RASAL2: variants seen among roughly 807,000 people sequenced by gnomAD.
RASAL2 encodes the protein RAS protein activator like 2.
Under a neutral mutation model 128.9 loss-of-function variants are expected in RASAL2, and 58 were observed. That is an observed-to-expected ratio of 0.45 (90% CI 0.36 to 0.56). The LOEUF is 0.56. RASAL2 is among the 20% of genes least tolerant of loss of function. RASAL2 has a pLI of 0.00. For missense variants in RASAL2, 1,360 were observed against 1,601.6 expected (o/e 0.85, Z 2.57); for synonymous variants, 561 against 580.8 (o/e 0.97, Z 0.49).
At chr1:178,211,166 A>G (rs1254141682) in intron 1 of RASAL2, among the ~76,000 whole-genome samples, 3 of 152,150 alleles carry the variant, frequency 2.0e-5, no homozygotes, top group Non-Finnish European at 4.4e-5. Context: ...TCCTGATACC[A>G]TGCTCACTTC....
At chr1:178,124,699 T>A (rs1459633633) in intron 1 of RASAL2, among the ~76,000 whole-genome samples, 1 of 152,198 alleles carries the variant, frequency 6.6e-6, no homozygotes, top group East Asian at 1.9e-4. Context: ...GAAAATGTTA[T>A]TTGTATTTTA....
chr1:178,180,107 A>G (rs1246490392), intron 1 of RASAL2, among the ~76,000 whole-genome samples: 1 of 152,114 alleles, frequency 6.6e-6, no homozygotes, highest in Non-Finnish European at 1.5e-5. Flanking sequence ...CTGTCGTTGT[A>G]TGTAGCTTTG....
intron 2 of RASAL2, among the ~76,000 whole-genome samples, chr1:178,284,938 C>T (rs1464967040): frequency 1.3e-5 from 2 of 151,952 alleles, no homozygotes; most frequent in African/African-American, 4.8e-5. Flanking sequence ...CTTAATTCTC[C>T]TCTGTGGATC....
At chr1:178,285,100 T>TTCC (rs1666956762) in intron 2 of RASAL2, among the ~76,000 whole-genome samples, 1 of 143,130 alleles carries the variant, frequency 7.0e-6, no homozygotes, top group Admixed American at 7.1e-5. Flanking sequence ...GCATTGCTAC[T>TTCC]TTCTTTTTTT....
chr1:178,103,459 C>A (rs1265563375), intron 1 of RASAL2, among the ~76,000 whole-genome samples: 2 of 152,042 alleles, frequency 1.3e-5, no homozygotes, highest in Non-Finnish European at 2.9e-5. Flanking sequence ...CCAAATTGCC[C>A]TACCTGTCTG....
In RASAL2 at chr1:178,451,596, G is replaced by C; in HGVS notation, c.1653G>C (p.Glu551Asp). Residue 551 changes from glutamate (E) to aspartate (D), a missense_variant, in exon 10 of 18, where the codon GAG (glutamate) becomes GAC (aspartate). Around this residue, in one of 3 missense-constraint regions of RASAL2, gnomAD observed 617 missense variants for 714.2 expected, o/e 0.86. Transcript: ENST00000367649. ...GGGAGTTTATCAAAGCTTTGTATGA[G>C]TCCGATGAGAACTGTGAAGTGGATC... Reference protein sequence around the residue: ...ALGEFIKALYESDENCEVDPS... With the variant: ...ALGEFIKALYDSDENCEVDPS... 1.2e-6 allele frequency: 2 copies of C among 1,613,686 alleles called. No homozygotes were observed. Among genetic ancestry groups the C allele is most frequent in the Non-Finnish European group, 1.7e-6 (2 of 1,179,744 alleles).
chr1:178,400,703 AT>A (rs1209647656), intron 4 of RASAL2, among the ~76,000 whole-genome samples: 1 of 152,188 alleles, frequency 6.6e-6, no homozygotes, highest in South Asian at 2.1e-4. Context: ...AGTATATTTT[AT>A]TAGGAAGGCA....
intron 5 of RASAL2, among the ~76,000 whole-genome samples, chr1:178,422,063 T>G (rs547164457): frequency 6.6e-6 from 1 of 152,040 alleles, no homozygotes; most frequent in Non-Finnish European, 1.5e-5. Flanking sequence ...AATAAAACAC[T>G]CCCAATTCAA....
chr1:178,138,285 T>C (rs1026818248), intron 1 of RASAL2, among the ~76,000 whole-genome samples: 1 of 152,230 alleles, frequency 6.6e-6, no homozygotes, highest in Non-Finnish European at 1.5e-5. Flanking sequence ...AGTCATGAGC[T>C]GATTCTCCTG....
At chr1:178,451,476 C>T (rs1459657911) in intron 9 of RASAL2, 95 bp from the exon 10 acceptor site, 1 of 1,307,890 alleles carries the variant, frequency 7.6e-7, no homozygotes, top group Non-Finnish European at 1.0e-6. Flanking sequence ...AAAGAATTCC[C>T]CATTATACGT....
intron 3 of RASAL2, among the ~76,000 whole-genome samples, chr1:178,363,125 CCAACA>C (rs1671214596): frequency 6.6e-6 from 1 of 152,162 alleles, no homozygotes; most frequent in South Asian, 2.1e-4. Context: ...TGCATTTCCA[CCAACA>C]GTGTACAAGG....
At chr1:178,356,946 T>C (rs1330656157) in intron 3 of RASAL2, among the ~76,000 whole-genome samples, 4 of 152,202 alleles carry the variant, frequency 2.6e-5, no homozygotes, top group Admixed American at 2.6e-4. Flanking sequence ...TCTTATTCCA[T>C]TGTAGATTTA....
intron 3 of RASAL2, among the ~76,000 whole-genome samples, chr1:178,363,695 T>A (rs1671243776): frequency 6.6e-6 from 1 of 152,230 alleles, no homozygotes; most frequent in African/African-American, 2.4e-5. Context: ...ACTTACTATG[T>A]GCCCAGCATT....
At chr1:178,173,607 C>T (rs942207750) in intron 1 of RASAL2, among the ~76,000 whole-genome samples, 5 of 152,034 alleles carry the variant, frequency 3.3e-5, no homozygotes, top group African/African-American at 1.2e-4. Flanking sequence ...ATGATGGAGT[C>T]TAACAGGTAT....
intron 1 of RASAL2, among the ~76,000 whole-genome samples, chr1:178,153,649 C>G (rs10913509): frequency 0.24 from 36,724 of 151,996 alleles, 5,317 homozygotes; most frequent in African/African-American, 0.41. Context: ...GTTTCTTAAT[C>G]CTGAATAGTA....
intron 4 of RASAL2, among the ~76,000 whole-genome samples, chr1:178,405,623 AAGAC>A (rs1218587714): frequency 6.6e-6 from 1 of 152,218 alleles, no homozygotes; most frequent in African/African-American, 2.4e-5. Context: ...GAAAAGGCAT[AAGAC>A]AGATTCTCCC....
intron 1 of RASAL2, among the ~76,000 whole-genome samples, chr1:178,156,070 C>T (rs1428879094): frequency 6.6e-6 from 1 of 152,154 alleles, no homozygotes; most frequent in Non-Finnish European, 1.5e-5. Context: ...ATTTACTGCA[C>T]AGCTGGGAGC....
At chr1:178,421,323 A>G (rs952087309) in intron 5 of RASAL2, among the ~76,000 whole-genome samples, 1 of 152,184 alleles carries the variant, frequency 6.6e-6, no homozygotes, top group African/African-American at 2.4e-5. Context: ...TATGCTTCAA[A>G]AATCATTGAA....
At chr1:178,470,931 A>G (rs930084833) in intron 17 of RASAL2, among the ~76,000 whole-genome samples, 11 of 152,118 alleles carry the variant, frequency 7.2e-5, no homozygotes, top group African/African-American at 2.2e-4. Flanking sequence ...ATAAGTCTCT[A>G]TTTGATTTTT....
Sources: gnomAD v4.1 joint callset for allele counts (sites outside exome capture counted in the v4.1 genomes callset) on GRCh38, gnomAD v4.1.1 for gene constraint, gnomAD v4.1.1 regional missense constraint, MANE v1.5 for transcripts, NCBI Gene and HGNC (gene_info 2026-07-23, HGNC 2026-07-21) for gene names.